The following GSK3B variants were observed in gnomAD, a reference collection of about 807,000 sequenced individuals.
GSK3B encodes the protein glycogen synthase kinase-3 beta.
A neutral mutation model predicts 56.4 loss-of-function variants in GSK3B; 15 were observed. That is an observed-to-expected ratio of 0.27 (90% CI 0.18 to 0.41). GSK3B has a LOEUF of 0.41. Ranked by LOEUF, GSK3B falls within the 10% of genes least tolerant of loss-of-function variation. The pLI is 1.00. For synonymous variants in GSK3B, 181 were observed against 188.9 expected, an observed-to-expected ratio of 0.96 and a Z score of 0.34; for missense variants, 300 against 513.4, an observed-to-expected ratio of 0.58 and a Z score of 4.02.
chr3:119,923,552 A>G, intron 3 of GSK3B, 69 bp from the exon 4 acceptor site: 4 of 663,160 alleles, frequency 6.0e-6, no homozygotes, highest in Non-Finnish European at 1.0e-5. Context: ...TATTCAAATT[A>G]GAGTAAATTC....
At chr3:119,930,063 A>T (rs1480445984) in intron 3 of GSK3B, among the ~76,000 whole-genome samples, 1 of 147,474 alleles carries the variant, frequency 6.8e-6, no homozygotes, top group African/African-American at 2.5e-5. Context: ...TGGACGACAC[A>T]GTGAGATTCT....
At chr3:119,923,633 A>C (rs2056864814) in intron 3 of GSK3B, 150 bp from the exon 4 acceptor site, 1 of 451,360 alleles carries the variant, frequency 2.2e-6, no homozygotes, top group African/African-American at 2.0e-5. Context: ...TTACTTCAGA[A>C]TATAACCATA....
chr3:120,065,661 T>C (rs1339832816), intron 1 of GSK3B, among the ~76,000 whole-genome samples: 3 of 152,126 alleles, frequency 2.0e-5, no homozygotes, highest in African/African-American at 7.2e-5. Context: ...TGTACACAAA[T>C]GTTCACAGCA....
intron 2 of GSK3B, among the ~76,000 whole-genome samples, chr3:119,984,966 G>A (rs2057501298): frequency 6.6e-6 from 1 of 152,142 alleles, no homozygotes; most frequent in Non-Finnish European, 1.5e-5. Context: ...ATTGAATCCA[G>A]CAGCACATCA....
At chr3:119,871,040 A>C (rs2056244694) in intron 8 of GSK3B, among the ~76,000 whole-genome samples, 1 of 152,200 alleles carries the variant, frequency 6.6e-6, no homozygotes, top group African/African-American at 2.4e-5. Context: ...ACAACGGTTA[A>C]AACAGGTAGG....
At chr3:120,028,345 C>A (rs565880993) in intron 1 of GSK3B, among the ~76,000 whole-genome samples, 139 of 152,288 alleles carry the variant, frequency 9.1e-4, no homozygotes, top group African/African-American at 3.3e-3. Flanking sequence ...CTAGAACCTG[C>A]TGAGACAGAT....
rs746618679 is a variant in GSK3B at position 119,863,563 on chromosome 3, T to G, written c.952A>C (p.Ser318Arg). ...GTTGGTGTATACTCCAGCAGACGGC[T>G]ACACAGTGCAATTGCCTCCGGTGGA... ...RTPPEAIALC[S>R]RLLEYTPTAR... Residue 318 changes from serine to arginine, a missense_variant, in exon 9 of 11, where the codon AGC (serine) becomes CGC (arginine). Ser to Arg is a moderately radical substitution (Grantham distance 110). Coordinates refer to ENST00000264235, the MANE Select transcript of GSK3B (RefSeq NM_001146156.2). 6.2e-7 allele frequency: 1 copy of G among 1,613,684 alleles called. No homozygotes were observed. The highest frequency in any genetic ancestry group is 8.5e-7 in the Non-Finnish European group (1 of 1,179,546).
chr3:119,838,153 G>A (rs1022166333), intron 10 of GSK3B, among the ~76,000 whole-genome samples: 4 of 151,688 alleles, frequency 2.6e-5, no homozygotes, highest in African/African-American at 9.7e-5. Context: ...GCAGGGTATG[G>A]TAGTGCGCGC....
Position 120,070,960 on chromosome 3 carries a change from T to C in GSK3B, c.88+22387A>G, listed in dbSNP as rs139886721. ...AGACTCCTTGTCTGCAAAATGGAGA[T>C]ACCACTTAGACCCAGTGGAGCAAAT... On this transcript the variant is annotated intron_variant, in intron 1 of 10. Transcript: ENST00000264235. 1.4e-3 allele frequency among the ~76,000 whole-genome samples: 215 copies of C among 152,350 alleles called. 1 individual carries two copies. The highest frequency in any genetic ancestry group is 4.8e-3 in the African/African-American group (198 of 41,588).
At position 119,882,618 on chromosome 3, in the gene GSK3B, A is replaced by G. The variant is rs192396613; in HGVS notation, c.814-6110T>C. On this transcript the variant is annotated intron_variant, in intron 7 of 10. Coordinates refer to ENST00000264235, the MANE Select transcript of GSK3B (RefSeq NM_001146156.2). ...GTTTGATATTTACAACTTTTTATGT[A>G]AGTATGTTTTTTACATACCTTGAAT... is the stretch of plus-strand genomic sequence containing the variant. Among the ~76,000 whole-genome samples, 17 of 152,322 alleles carry G rather than the reference A, an allele frequency of 1.1e-4. No homozygotes were observed. In the East Asian group the frequency reaches 3.1e-3, roughly 28 times the overall value.
At chr3:120,050,425 A>G in intron 1 of GSK3B, among the ~76,000 whole-genome samples, 1 of 152,246 alleles carries the variant, frequency 6.6e-6, no homozygotes, top group East Asian at 1.9e-4. Flanking sequence ...TATGGGCTAT[A>G]GTTTGCAAAC....
chr3:119,864,988 G>A (rs2056158038), intron 8 of GSK3B, among the ~76,000 whole-genome samples: 2 of 152,140 alleles, frequency 1.3e-5, no homozygotes, highest in African/African-American at 2.4e-5. Context: ...TTATTCTTTT[G>A]AATACTCTGA....
At chr3:120,028,711 C>T (rs1045248028) in intron 1 of GSK3B, 6 of 456,974 alleles carry the variant, frequency 1.3e-5, no homozygotes, top group African/African-American at 1.0e-4. Context: ...CATGTCCTTG[C>T]AGGCCATGGT....
rs538090969 is a variant in GSK3B at position 119,840,267 on chromosome 3, C to T, written c.1195+2988G>A. ...GAGACAAAGTTTTGCTCTTGTTGCC[C>T]AGGCTGGAGTGCAATGGCACAATCT... On this transcript the variant is annotated intron_variant, in intron 10 of 10. Transcript: ENST00000264235. 2.1e-4 allele frequency among the ~76,000 whole-genome samples: 32 copies of T among 150,856 alleles called. 1 individual carries two copies. The highest frequency in any genetic ancestry group is 7.1e-4 in the African/African-American group (29 of 41,048).
chr3:120,084,802 C>T lies in GSK3B; in HGVS notation c.88+8545G>A, dbSNP rs531026616. On this transcript the variant is annotated intron_variant, in intron 1 of 10. Coordinates refer to ENST00000264235, the MANE Select transcript of GSK3B (RefSeq NM_001146156.2). ...ATTGCCACGAGAGGAGCTCTGTCAT[C>T]TTTGCACTTATTCTCCAACTAACTT... Among the ~76,000 whole-genome samples, 7 of 152,312 alleles carry T rather than the reference C, an allele frequency of 4.6e-5. No individual in the cohort carries two copies. In the South Asian group the frequency reaches 1.4e-3, roughly 32 times the overall value.
chr3:120,042,197 G>C (rs556949938), intron 1 of GSK3B, among the ~76,000 whole-genome samples: 22 of 152,278 alleles, frequency 1.4e-4, no homozygotes, highest in Admixed American at 2.6e-4. Flanking sequence ...CTTCTGAAAT[G>C]CCTGTTCTCC....
intron 2 of GSK3B, among the ~76,000 whole-genome samples, chr3:119,978,019 A>C (rs987760520): frequency 6.6e-6 from 1 of 152,192 alleles, no homozygotes; most frequent in African/African-American, 2.4e-5. Flanking sequence ...ACAGGCAGTG[A>C]AATTGAGGGT....
chr3:120,044,490 A>G (rs950911466), intron 1 of GSK3B, among the ~76,000 whole-genome samples: 1 of 152,148 alleles, frequency 6.6e-6, no homozygotes, highest in African/African-American at 2.4e-5. Context: ...AGAGAAAAAA[A>G]AAAAATCACA....
At chr3:119,922,520 C>CTAT (rs539174362) in intron 4 of GSK3B, among the ~76,000 whole-genome samples, 3,464 of 146,800 alleles carry the variant, frequency 0.024, 98 homozygotes, top group South Asian at 0.07. Context: ...TGAAGAACTT[C>CTAT]TATTATTATT....
Sources: allele counts gnomAD v4.1 joint callset (sites outside exome capture counted in the v4.1 genomes callset), GRCh38; gene constraint gnomAD v4.1.1; transcripts MANE v1.5; gene names NCBI Gene and HGNC (gene_info 2026-07-23, HGNC 2026-07-21).